Variants in SPAG11B observed in about 807,000 individuals in gnomAD.
SPAG11B encodes sperm-associated antigen 11B.
In SPAG11B, 5 loss-of-function variants were observed where a neutral mutation model predicts 8.9. The observed-to-expected ratio is 0.56, with a 90% confidence interval of 0.29 to 1.19. The LOEUF (loss-of-function observed/expected upper bound fraction) is 1.19, where lower values mean the gene tolerates loss of function less well. Ranked by LOEUF, SPAG11B falls within the 50% of genes most tolerant of loss-of-function variation. SPAG11B has a pLI of 0.08. For synonymous variants in SPAG11B, 12 were observed against 53.0 expected, an observed-to-expected ratio of 0.23 and a Z score of 3.36; for missense variants, 38 against 146.4, an observed-to-expected ratio of 0.26 and a Z score of 3.82.
At chr8:7,452,907 G>T (rs1459614295) in intron 2 of SPAG11B, among the ~76,000 whole-genome samples, 1 of 141,854 alleles carries the variant, frequency 7.0e-6, no homozygotes, top group South Asian at 2.3e-4. Context: ...AGAAAAACAA[G>T]AAGATGTGTA....
downstream of SPAG11B, among the ~76,000 whole-genome samples, chr8:7,449,565 A>G (rs1244000412): frequency 6.7e-6 from 1 of 149,926 alleles, no homozygotes; most frequent in African/African-American, 2.5e-5. Flanking sequence ...TGTGCCTAAG[A>G]GAGACTTACT....
rs1282131310 is a variant in SPAG11B at position 7,453,555 on chromosome 8, G to A, written c.215-2655C>T. On this transcript the variant is annotated intron_variant, in intron 2 of 2. Transcript: ENST00000398462. ...TATATTACTTGTTATAGCTTGCAGAGCCTTGTTATTCTTCAGATTAGACAC... is the reference window on the plus strand; with the variant it reads ...TATATTACTTGTTATAGCTTGCAGAACCTTGTTATTCTTCAGATTAGACAC... 8.1e-5 allele frequency among the ~76,000 whole-genome samples: 12 copies of A among 149,000 alleles called. No individual in the cohort carries two copies. In the East Asian group the frequency reaches 2.4e-3, roughly 29 times the overall value.
chr8:7,451,885 T>C (rs1233666782), intron 2 of SPAG11B, among the ~76,000 whole-genome samples: 3 of 148,698 alleles, frequency 2.0e-5, no homozygotes, highest in Non-Finnish European at 4.5e-5. Context: ...CATGGTAAAT[T>C]AACACTTTCT....
At chr8:7,448,946 G>A (rs1338052331), downstream of SPAG11B, among the ~76,000 whole-genome samples, 1 of 142,986 alleles carries the variant, frequency 7.0e-6, no homozygotes, top group Non-Finnish European at 1.5e-5. Flanking sequence ...ATAAGAGGGA[G>A]ATGACATTTT....
At chr8:7,458,927 G>A (rs1454576348) in intron 2 of SPAG11B, among the ~76,000 whole-genome samples, 4 of 28,402 alleles carry the variant, frequency 1.4e-4, no homozygotes, top group African/African-American at 2.8e-4. Context: ...GGCCGGGCGC[G>A]GTGGCTCACG....
rs578203623 is a variant in SPAG11B at position 7,451,020 on chromosome 8, C to T, written c.215-120G>A. ...CAAGGCTAAGTACTTTTGGACAAGC[C>T]CCAGTTTAACCGAACTTTGGCCTCT... is the stretch of plus-strand genomic sequence containing the variant. On this transcript the variant is annotated intron_variant, in intron 2 of 2. Transcript: ENST00000398462. 21 of 1,512,166 alleles carry T rather than the reference C, an allele frequency of 1.4e-5. 4 individuals carry two copies. In the African/African-American group the frequency reaches 2.4e-4, roughly 17 times the overall value. 93.7% of individuals were successfully genotyped at this position (1,512,166 alleles called of 1,614,324 possible).
chr8:7,448,441 G>A (rs907922472), downstream of SPAG11B, among the ~76,000 whole-genome samples: 2 of 152,126 alleles, frequency 1.3e-5, no homozygotes, highest in African/African-American at 2.4e-5. Context: ...AGAGCGTTTT[G>A]GGGATTCTGT....
rs1418390720 is a variant in SPAG11B at position 7,450,733 on chromosome 8, C to A, written c.382G>T (p.Asp128Tyr). ...ATATTTTAGATCCCAGATCTGCCATCCATCTCTGGTTTCTCTTTTCCTTCT... is the reference window on the plus strand; with the variant it reads ...ATATTTTAGATCCCAGATCTGCCATACATCTCTGGTTTCTCTTTTCCTTCT... Reference protein sequence around the residue: ...DEEGKEKPEMDGRSGI With the variant: ...DEEGKEKPEMYGRSGI The change falls in exon 3 of 3, where the codon GAT (aspartate) becomes TAT (tyrosine). Residue 128 changes from aspartate (D) to tyrosine (Y), a missense_variant. Coordinates refer to ENST00000398462, the MANE Select transcript of SPAG11B (RefSeq NM_058201.4). 1.3e-6 allele frequency: 2 copies of A among 1,588,210 alleles called. No individual in the cohort carries two copies. The highest frequency in any genetic ancestry group is 2.8e-5 in the African/African-American group (2 of 72,208).
At chr8:7,462,450 G>GGA (rs1810715164) in intron 2 of SPAG11B, among the ~76,000 whole-genome samples, 1 of 152,146 alleles carries the variant, frequency 6.6e-6, no homozygotes, top group African/African-American at 2.4e-5. Context: ...AATTACAGGT[G>GGA]TGGCTTCAGA....
rs749291404 is a variant in SPAG11B, at chr8:7,458,766, G to A, written c.214+3941C>T. On this transcript the variant is annotated intron_variant, in intron 2 of 2. Coordinates refer to ENST00000398462, the MANE Select transcript of SPAG11B (RefSeq NM_058201.4). ...AAAAGGGAAAAGCATGAAAATTATG[G>A]TTGAAAGATAATGAGAGGATATTTC... Among the ~76,000 whole-genome samples, 442 of 109,408 alleles carry A rather than the reference G, an allele frequency of 4.0e-3. 2 individuals are homozygous for A. The highest frequency in any genetic ancestry group is 0.011 in the East Asian group (39 of 3,422). 71.8% of individuals were successfully genotyped at this position (109,408 alleles called of 152,430 possible). A position where few individuals can be genotyped will look rare whatever the true frequency, so the allele number is the denominator to read the frequency against.
intron 2 of SPAG11B, among the ~76,000 whole-genome samples, chr8:7,458,708 GATAT>G (rs2128875650): frequency 1.3e-5 from 1 of 76,730 alleles, no homozygotes; most frequent in East Asian, 5.1e-4. Flanking sequence ...GGGCTCTACA[GATAT>G]AAAAATAAAT....
downstream of SPAG11B, chr8:7,449,011 C>G (rs1809971097): frequency 3.2e-6 from 1 of 312,776 alleles, no homozygotes; most frequent in Non-Finnish European, 6.2e-6. Context: ...TTAAATAATA[C>G]AGCCTAGGGC....
chr8:7,450,109 A>C (rs1436129967), downstream of SPAG11B, among the ~76,000 whole-genome samples: 7 of 126,764 alleles, frequency 5.5e-5, 1 homozygote, highest in East Asian at 1.3e-3. Flanking sequence ...ATGAATTGCT[A>C]GCCTGGGGGA....
rs554330321 is a variant in SPAG11B, at chr8:7,459,477, A to C, written c.214+3230T>G. On this transcript the variant is annotated intron_variant, in intron 2 of 2. Transcript: ENST00000398462. ...CATGGACTAATTGAAAGACTACTAC[A>C]CATCAAGCAACTGAGAAAATATTCA... 2.1e-3 allele frequency among the ~76,000 whole-genome samples: 314 copies of C among 147,826 alleles called. 6 individuals carry two copies. Among genetic ancestry groups the C allele is most frequent in the South Asian group, 6.9e-3 (30 of 4,376 alleles).
At chr8:7,453,140 C>G (rs1373432382) in intron 2 of SPAG11B, among the ~76,000 whole-genome samples, 1 of 143,362 alleles carries the variant, frequency 7.0e-6, no homozygotes, top group African/African-American at 2.8e-5. Context: ...CCGGCAACCA[C>G]AGGGCTGTGT....
In SPAG11B at chr8:7,452,506, T is replaced by G. The variant is rs1279035986; in HGVS notation, c.215-1606A>C. 25 of 7,092 alleles carry G rather than the reference T, an allele frequency of 3.5e-3. No homozygotes were observed. The African/African-American group carries it at 0.056, about 16-fold the overall frequency. 0.4% of individuals were successfully genotyped at this position (7,092 alleles called of 1,614,324 possible). On this transcript the variant is annotated intron_variant, in intron 2 of 2. Transcript: ENST00000398462. ...AGAAGGTTACTGACTACTCTTCCCTTTCTGCCTAAAAATAGACTGGCTTCC... is the reference window on the plus strand; with the variant it reads ...AGAAGGTTACTGACTACTCTTCCCTGTCTGCCTAAAAATAGACTGGCTTCC...
At chr8:7,455,675 A>G (rs923850195) in intron 2 of SPAG11B, among the ~76,000 whole-genome samples, 1 of 152,062 alleles carries the variant, frequency 6.6e-6, no homozygotes, top group Non-Finnish European at 1.5e-5. Flanking sequence ...TGTTCATAGC[A>G]GAATTAGTCA....
chr8:7,453,492 AAGCAAT>A (rs1315533387), intron 2 of SPAG11B, among the ~76,000 whole-genome samples: 2 of 146,956 alleles, frequency 1.4e-5, no homozygotes, highest in African/African-American at 2.6e-5. Flanking sequence ...ATTTTTATGT[AAGCAAT>A]AGCAGACTCT....
chr8:7,459,105 AGGAGAATTGCTTGAACCTG>A (rs1283511525), intron 2 of SPAG11B, among the ~76,000 whole-genome samples: 1 of 88,728 alleles, frequency 1.1e-5, no homozygotes, highest in Non-Finnish European at 2.0e-5. Context: ...AGGCTGAGGC[AGGAGAATTGCTTGAACCTG>A]GGAGAATCGC....
Sources: allele counts gnomAD v4.1 joint callset (sites outside exome capture counted in the v4.1 genomes callset), GRCh38; gene constraint gnomAD v4.1.1; transcripts MANE v1.5; gene names NCBI Gene and HGNC (gene_info 2026-07-23, HGNC 2026-07-21).